Variants in CNTN5 observed in about 807,000 individuals in gnomAD.
CNTN5 encodes contactin 5, also known as contactin-5.
Under a neutral mutation model 129.1 loss-of-function variants are expected in CNTN5, and 77 were observed. That is an observed-to-expected ratio of 0.60 (90% CI 0.50 to 0.72). The LOEUF (loss-of-function observed/expected upper bound fraction) is 0.72, where lower values mean the gene tolerates loss of function less well. CNTN5 is among the 30% of genes least tolerant of loss of function. The probability of loss-of-function intolerance (pLI) is 0.00; values close to 1 mark genes in which losing one functional copy is unlikely to be tolerated. For synonymous variants in CNTN5, 509 were observed against 465.6 expected (o/e 1.09, Z -1.20); for missense variants, 1,478 against 1,328.8 (o/e 1.11, Z -1.75).
At chr11:99,036,305 A>AT (rs1013781298) in intron 1 of CNTN5, among the ~76,000 whole-genome samples, 10 of 151,324 alleles carry the variant, frequency 6.6e-5, no homozygotes, top group South Asian at 4.2e-4. Context: ...TACACATCAG[A>AT]TTTTTTTTTC....
rs188683740 is a variant in CNTN5, at chr11:99,717,692, A to C, written c.56-101852A>C. On this transcript the variant is annotated intron_variant, in intron 3 of 24. Transcript: ENST00000524871. ...ATGTCTCCATAATCTGTTTCAAAAA[A>C]TGAATTATAGCAAGATGATAGAAAA... 2.8e-4 allele frequency among the ~76,000 whole-genome samples: 43 copies of C among 152,248 alleles called. No homozygotes were observed. In the East Asian group the frequency reaches 6.2e-3, roughly 22 times the overall value.
chr11:100,326,809 C>T (rs1413035915), intron 21 of CNTN5, among the ~76,000 whole-genome samples: 1 of 152,130 alleles, frequency 6.6e-6, no homozygotes, highest in Non-Finnish European at 1.5e-5. Context: ...AAGGAGGCTT[C>T]TTGGTTAAGC....
rs57175307 is a variant in CNTN5, at chr11:99,990,455, T to TACACACACAC, written c.878-11559_878-11550dup. 4.0e-3 allele frequency among the ~76,000 whole-genome samples: 585 copies of TACACACACAC among 145,160 alleles called. 9 individuals are homozygous for TACACACACAC. Among genetic ancestry groups the TACACACACAC allele is most frequent in the African/African-American group, 0.013 (513 of 38,882 alleles). Reference sequence around the variant, plus strand: ...CCCTTATTTTTAGAATATATATATATACACACACACACACACACACACACA... The same window carrying TACACACACAC: ...CCCTTATTTTTAGAATATATATATATACACACACACACACACACACACACACACACACACA... On this transcript the variant is annotated intron_variant, in intron 8 of 24. Transcript: ENST00000524871.
At chr11:99,928,746 T>C (rs979111189) in intron 7 of CNTN5, among the ~76,000 whole-genome samples, 7 of 152,196 alleles carry the variant, frequency 4.6e-5, no homozygotes, top group African/African-American at 1.7e-4. Flanking sequence ...TCACACGCTC[T>C]GGAGACATTT....
intron 3 of CNTN5, among the ~76,000 whole-genome samples, chr11:99,580,197 A>T (rs1482505287): frequency 6.6e-6 from 1 of 152,128 alleles, no homozygotes; most frequent in Non-Finnish European, 1.5e-5. Context: ...ATCATGGTGG[A>T]TAAGCTTTTT....
intron 13 of CNTN5, among the ~76,000 whole-genome samples, chr11:100,135,320 C>T (rs192291054): frequency 6.6e-6 from 1 of 151,850 alleles, no homozygotes; most frequent in Admixed American, 6.6e-5. Context: ...GGACTACAGG[C>T]ATGTGCCACC....
intron 9 of CNTN5, among the ~76,000 whole-genome samples, chr11:100,019,697 A>G (rs957427700): frequency 2.0e-5 from 3 of 152,026 alleles, no homozygotes; most frequent in Non-Finnish European, 2.9e-5. Context: ...TCTTTTGGAT[A>G]TATACTCAGA....
At chr11:100,258,859 C>G (rs894244076) in intron 17 of CNTN5, among the ~76,000 whole-genome samples, 3 of 152,082 alleles carry the variant, frequency 2.0e-5, no homozygotes, top group Admixed American at 6.6e-5. Context: ...TTGTAAAGAC[C>G]ATCAACACTA....
At chr11:99,702,457 A>T (rs1042262335) in intron 3 of CNTN5, among the ~76,000 whole-genome samples, 44 of 151,022 alleles carry the variant, frequency 2.9e-4, no homozygotes, top group African/African-American at 1.1e-3. Flanking sequence ...ATAATGTTTC[A>T]TATATTTAAT....
chr11:99,599,181 GT>G (rs940773428), intron 3 of CNTN5, among the ~76,000 whole-genome samples: 27 of 147,482 alleles, frequency 1.8e-4, no homozygotes, highest in South Asian at 4.3e-4. Flanking sequence ...ACTTGGAGGT[GT>G]TTTTTTTTTA....
At chr11:99,428,433 T>A (rs191246809) in intron 2 of CNTN5, among the ~76,000 whole-genome samples, 35 of 151,620 alleles carry the variant, frequency 2.3e-4, no homozygotes, top group Middle Eastern at 6.8e-3. Context: ...TCGTGGCATG[T>A]CCCTGTAGTC....
chr11:99,971,611 C>T lies in CNTN5; in HGVS notation c.877+14602C>T, dbSNP rs191318590. Among the ~76,000 whole-genome samples the T allele has an allele frequency of 9.2e-4, 139 of 151,782 alleles. 4 individuals carry two copies. The highest frequency in any genetic ancestry group is 3.4e-3 in the Middle Eastern group (1 of 292). On this transcript the variant is annotated intron_variant, in intron 8 of 24. Transcript: ENST00000524871. Reference sequence around the variant, plus strand: ...TAATCAACAAATGCCAGCCCTAACTCGATCTCTAAAGACTATGTCATTTTG... The same window carrying T: ...TAATCAACAAATGCCAGCCCTAACTTGATCTCTAAAGACTATGTCATTTTG...
intron 13 of CNTN5, among the ~76,000 whole-genome samples, chr11:100,178,205 T>C (rs1249139461): frequency 6.6e-6 from 1 of 152,168 alleles, no homozygotes; most frequent in Non-Finnish European, 1.5e-5. Context: ...GCTGCCATCA[T>C]GCCTCTCCAA....
At chr11:99,644,280 T>C (rs1394189756) in intron 3 of CNTN5, among the ~76,000 whole-genome samples, 1 of 152,178 alleles carries the variant, frequency 6.6e-6, no homozygotes, top group Non-Finnish European at 1.5e-5. Flanking sequence ...GTTGAGCACT[T>C]TGAACACATA....
intron 6 of CNTN5, among the ~76,000 whole-genome samples, chr11:99,871,107 A>C (rs1948493070): frequency 6.6e-6 from 1 of 152,074 alleles, no homozygotes; most frequent in Non-Finnish European, 1.5e-5. Context: ...GAAACTACAA[A>C]ATTTCACAGT....
At chr11:100,191,395 T>A (rs1591374947) in intron 14 of CNTN5, 142 bp downstream of exon 14, 1 of 587,430 alleles carries the variant, frequency 1.7e-6, no homozygotes, top group Non-Finnish European at 2.5e-6. Context: ...AACATAGAAC[T>A]AAAACAGCCA....
intron 3 of CNTN5, among the ~76,000 whole-genome samples, chr11:99,665,138 C>CTT (rs985646838): frequency 6.6e-6 from 1 of 152,108 alleles, no homozygotes; most frequent in Non-Finnish European, 1.5e-5. Context: ...AGGAAGAAAA[C>CTT]TTTTATTTTC....
chr11:99,023,299 G>C (rs2135056594), intron 1 of CNTN5, among the ~76,000 whole-genome samples: 1 of 152,290 alleles, frequency 6.6e-6, no homozygotes, highest in Non-Finnish European at 1.5e-5. Context: ...AGCGCTATCT[G>C]TTAGAAATGT....
chr11:100,084,701 G>A (rs1660258625), intron 13 of CNTN5, among the ~76,000 whole-genome samples: 1 of 152,048 alleles, frequency 6.6e-6, no homozygotes, highest in Non-Finnish European at 1.5e-5. Flanking sequence ...TAGGTAAGTA[G>A]GGAGATAGAT....
Sources: allele counts gnomAD v4.1 joint callset (sites outside exome capture counted in the v4.1 genomes callset), GRCh38; gene constraint gnomAD v4.1.1; transcripts MANE v1.5; gene names NCBI Gene and HGNC (gene_info 2026-07-23, HGNC 2026-07-21).